Variants in VTI1A observed in about 807,000 individuals in gnomAD.
VTI1A encodes the protein vesicle transport through interaction with t-SNAREs 1A, also known as vesicle transport through interaction with t-SNAREs homolog 1A.
VTI1A carries 22 observed loss-of-function variants against 34.9 expected under a neutral mutation model. That is an observed-to-expected ratio of 0.63 (90% CI 0.45 to 0.90). The LOEUF is 0.90. Ranked by LOEUF, VTI1A falls within the 40% of genes least tolerant of loss-of-function variation. VTI1A has a pLI of 0.00. For missense variants in VTI1A, 268 were observed against 275.6 expected (o/e 0.97, Z 0.20); for synonymous variants, 87 against 97.3 (o/e 0.89, Z 0.62).
chr10:112,545,974 A>G lies in VTI1A; in HGVS notation c.427+7644A>G, dbSNP rs112184796. On this transcript the variant is annotated intron_variant, in intron 5 of 7. Transcript: ENST00000393077. ...TGTGTGTGTGTATATACGTGTATAC[A>G]CGTATGTGTGTGTATATACGTGTAT... Among the ~76,000 whole-genome samples the G allele has an allele frequency of 1.7e-3, 226 of 135,590 alleles. 1 individual carries two copies. Among genetic ancestry groups the G allele is most frequent in the Middle Eastern group, 4.2e-3 (1 of 240 alleles). The allele number at this position is 135,590 out of a possible 152,430, so 89.0% of individuals were successfully genotyped here. A position where few individuals can be genotyped will look rare whatever the true frequency, so the allele number is the denominator to read the frequency against.
At chr10:112,847,436 C>T in the VTI1A span, among the ~76,000 whole-genome samples, 1 of 152,182 alleles carries the variant, frequency 6.6e-6, no homozygotes, top group Non-Finnish European at 1.5e-5. Context: ...TTCTATGTCA[C>T]CTCTTCCTTC....
At chr10:112,642,608 AGTGTGTGTGT>A (rs75201126) in intron 5 of VTI1A, among the ~76,000 whole-genome samples, 1 of 150,202 alleles carries the variant, frequency 6.7e-6, no homozygotes, top group African/African-American at 2.4e-5. Context: ...TATACAGGGT[AGTGTGTGTGT>A]GTGTGTGTGT....
rs10719081 is a variant in VTI1A, at chr10:112,665,304, GAA to G, written c.428-2902_428-2901del. Among the ~76,000 whole-genome samples, 198 of 140,240 alleles carry G rather than the reference GAA, an allele frequency of 1.4e-3. 1 individual carries two copies. The highest frequency in any genetic ancestry group is 3.6e-3 in the African/African-American group (138 of 38,350). The allele number at this position is 140,240 out of a possible 152,430, so 92.0% of individuals were successfully genotyped here. A position where few individuals can be genotyped will look rare whatever the true frequency, so the allele number is the denominator to read the frequency against. On this transcript the variant is annotated intron_variant, in intron 5 of 7. Transcript: ENST00000393077. ...TAGAAGAGTGGGCCCCACAGTGGGG[GAA>G]AAAAAAAAAAAGCCCACATAAGTTT...
chr10:112,461,102 G>A (rs879681739), intron 2 of VTI1A, among the ~76,000 whole-genome samples: 9 of 152,188 alleles, frequency 5.9e-5, no homozygotes, highest in Non-Finnish European at 1.2e-4. Context: ...CACAACAATA[G>A]CAGTTGCCTG....
chr10:112,746,784 G>A (rs556680070), intron 7 of VTI1A, among the ~76,000 whole-genome samples: 5 of 152,266 alleles, frequency 3.3e-5, no homozygotes, highest in African/African-American at 7.2e-5. Context: ...CACGGCTGAT[G>A]GATTTGACTT....
At chr10:112,706,743 G>A (rs7077338) in intron 7 of VTI1A, among the ~76,000 whole-genome samples, 27,376 of 152,030 alleles carry the variant, frequency 0.18, 5,190 homozygotes, top group African/African-American at 0.47. Context: ...TTTGCTACCA[G>A]TGCGCTACTT....
At chr10:112,683,161 T>C (rs1848279165) in intron 7 of VTI1A, among the ~76,000 whole-genome samples, 1 of 152,244 alleles carries the variant, frequency 6.6e-6, no homozygotes, top group Non-Finnish European at 1.5e-5. Context: ...ATGCAAAGAA[T>C]CTTTTTACCA....
At chr10:112,725,919 C>T (rs917221589) in intron 7 of VTI1A, among the ~76,000 whole-genome samples, 1 of 152,174 alleles carries the variant, frequency 6.6e-6, no homozygotes, top group African/African-American at 2.4e-5. Context: ...CATGATTCCA[C>T]TAGTCTTTTC....
chr10:112,494,487 T>C (rs548624534), intron 3 of VTI1A, among the ~76,000 whole-genome samples: 34 of 152,182 alleles, frequency 2.2e-4, no homozygotes, highest in Admixed American at 1.8e-3. Flanking sequence ...AGACTTCCCT[T>C]CCCCTGCCCT....
At chr10:112,677,455 T>G (rs1848072231) in intron 7 of VTI1A, among the ~76,000 whole-genome samples, 1 of 152,230 alleles carries the variant, frequency 6.6e-6, no homozygotes, top group African/African-American at 2.4e-5. Flanking sequence ...AATTTTCTTC[T>G]AGATTTTTTG....
Position 112,816,007 on chromosome 10 carries a change from A to AT in VTI1A, c.*632dup, listed in dbSNP as rs1176313257. On this transcript the variant is annotated 3_prime_UTR_variant, in exon 8 of 8. Transcript: ENST00000393077. ...ATAATTTTTTTTTTAACCCAAAGAT[A>AT]TTTTTTTTGCTGAGCCTGCCCAGTA... 90 of 223,018 alleles carry AT rather than the reference A, an allele frequency of 4.0e-4. 2 individuals carry two copies. The Middle Eastern group carries it at 0.012, about 31-fold the overall frequency. 13.8% of individuals were successfully genotyped at this position (223,018 alleles called of 1,614,324 possible).
chr10:112,460,497 A>G (rs2134041265), intron 1 of VTI1A, 27 bp from the exon 2 acceptor site: 3 of 1,575,618 alleles, frequency 1.9e-6, no homozygotes, highest in African/African-American at 1.4e-5. Context: ...ATCTTTAGCA[A>G]TTTCTTGGTA....
chr10:112,639,997 T>A (rs905928839), intron 5 of VTI1A, among the ~76,000 whole-genome samples: 9 of 152,202 alleles, frequency 5.9e-5, no homozygotes, highest in Admixed American at 5.2e-4. Flanking sequence ...TTAGGAATAA[T>A]CATGTCTTCC....
At chr10:112,561,806 A>G (rs1311122646) in intron 5 of VTI1A, among the ~76,000 whole-genome samples, 1 of 152,182 alleles carries the variant, frequency 6.6e-6, no homozygotes, top group African/African-American at 2.4e-5. Context: ...GGGAGACTCT[A>G]GAAATATATG....
chr10:112,539,741 C>T (rs964266277), intron 5 of VTI1A, among the ~76,000 whole-genome samples: 15 of 152,036 alleles, frequency 9.9e-5, no homozygotes, highest in African/African-American at 3.1e-4. Context: ...AATAATATTG[C>T]CTATCTCCAA....
chr10:112,594,027 A>G (rs1404242140), intron 5 of VTI1A, among the ~76,000 whole-genome samples: 1 of 152,028 alleles, frequency 6.6e-6, no homozygotes, highest in Non-Finnish European at 1.5e-5. Context: ...CTCCTTCCTC[A>G]GCCTCCCGAG....
chr10:112,814,173 C>G (rs1853424854), intron 7 of VTI1A, among the ~76,000 whole-genome samples: 1 of 152,166 alleles, frequency 6.6e-6, no homozygotes. Context: ...GGTGTGGGGT[C>G]TCTGTTCCGT....
chr10:112,845,017 A>G, the VTI1A span, among the ~76,000 whole-genome samples: 1 of 152,188 alleles, frequency 6.6e-6, no homozygotes, highest in African/African-American at 2.4e-5. Flanking sequence ...GGTCCCACTG[A>G]TGTCAACTCC....
At chr10:112,494,798 G>A (rs985015506) in intron 3 of VTI1A, among the ~76,000 whole-genome samples, 7 of 152,288 alleles carry the variant, frequency 4.6e-5, no homozygotes, top group African/African-American at 1.7e-4. Flanking sequence ...ACAGGCATGA[G>A]CCACCGCACC....
Sources: gnomAD v4.1 joint callset for allele counts (sites outside exome capture counted in the v4.1 genomes callset) on GRCh38, gnomAD v4.1.1 for gene constraint, MANE v1.5 for transcripts, NCBI Gene and HGNC (gene_info 2026-07-23, HGNC 2026-07-21) for gene names.